GPC5: variants seen among roughly 807,000 people sequenced by gnomAD.
GPC5 encodes glypican 5.
GPC5 carries 47 observed loss-of-function variants against 53.9 expected under a neutral mutation model. The observed-to-expected ratio is 0.87, with a 90% CI of 0.69 to 1.11. The LOEUF is 1.11. Among genes scored for constraint, GPC5 ranks in the 50% most tolerant of loss-of-function variants. GPC5 has a pLI of 0.00. For synonymous variants in GPC5, 286 were observed against 263.3 expected (o/e 1.09, Z -0.84); for missense variants, 748 against 713.1 (o/e 1.05, Z -0.56).
At chr13:92,047,806 T>TAAAAAA (rs35020183) in intron 6 of GPC5, among the ~76,000 whole-genome samples, 8 of 98,790 alleles carry the variant, frequency 8.1e-5, no homozygotes, top group South Asian at 3.7e-4. Flanking sequence ...CTGTCTCTAC[T>TAAAAAA]AAAAAAAAAA....
intron 7 of GPC5, among the ~76,000 whole-genome samples, chr13:92,506,715 G>A (rs954068231): frequency 2.0e-5 from 3 of 152,138 alleles, no homozygotes; most frequent in African/African-American, 7.2e-5. Context: ...TCTACTTTGT[G>A]TCAAGGCTCC....
At chr13:91,496,343 G>A (rs886503327) in intron 2 of GPC5, among the ~76,000 whole-genome samples, 1 of 152,122 alleles carries the variant, frequency 6.6e-6, no homozygotes, top group Non-Finnish European at 1.5e-5. Context: ...TTTATTGCAG[G>A]ACCATTCACA....
At chr13:91,616,713 A>G (rs1003832655) in intron 2 of GPC5, among the ~76,000 whole-genome samples, 9 of 152,156 alleles carry the variant, frequency 5.9e-5, no homozygotes, top group South Asian at 2.1e-4. Flanking sequence ...CATATATTTA[A>G]TTGCTAGTAA....
intron 7 of GPC5, among the ~76,000 whole-genome samples, chr13:92,844,464 A>G (rs977977500): frequency 6.6e-6 from 1 of 152,136 alleles, no homozygotes; most frequent in African/African-American, 2.4e-5. Context: ...ACTTAACCGG[A>G]GTAGAAACTT....
rs77302988 is a variant in GPC5, at chr13:92,600,805, C to G, written c.1562-265477C>G. 5.0e-4 allele frequency among the ~76,000 whole-genome samples: 76 copies of G among 152,190 alleles called. No individual in the cohort carries two copies. In the East Asian group the frequency reaches 8.3e-3, roughly 17 times the overall value. Reference sequence around the variant, plus strand: ...TACAGGTGTGAGCCACCACGCCCAGCCTTTTTTCAGTTTATTTTTAATCTT... The same window carrying G: ...TACAGGTGTGAGCCACCACGCCCAGGCTTTTTTCAGTTTATTTTTAATCTT... On this transcript the variant is annotated intron_variant, in intron 7 of 7. Transcript: ENST00000377067.
At chr13:92,051,961 T>C (rs1373315772) in intron 6 of GPC5, among the ~76,000 whole-genome samples, 1 of 152,152 alleles carries the variant, frequency 6.6e-6, no homozygotes, top group African/African-American at 2.4e-5. Flanking sequence ...GTTCCAAACC[T>C]AGTGAGAGCA....
intron 5 of GPC5, among the ~76,000 whole-genome samples, chr13:91,835,737 G>A (rs976724663): frequency 6.6e-5 from 10 of 150,754 alleles, no homozygotes; most frequent in African/African-American, 2.2e-4. Flanking sequence ...CCTGTCGGGG[G>A]TTGGGGGGTG....
At chr13:92,018,691 C>A (rs1242884417) in intron 6 of GPC5, among the ~76,000 whole-genome samples, 1 of 152,018 alleles carries the variant, frequency 6.6e-6, no homozygotes. Context: ...TCAAGATTTT[C>A]AAATTCTTCA....
intron 7 of GPC5, among the ~76,000 whole-genome samples, chr13:92,147,375 G>A (rs1388394967): frequency 6.6e-6 from 1 of 151,762 alleles, no homozygotes; most frequent in East Asian, 1.9e-4. Flanking sequence ...ACAAAGTAAA[G>A]CATTTTTTTG....
At chr13:92,533,052 T>C (rs1235753199) in intron 7 of GPC5, among the ~76,000 whole-genome samples, 1 of 152,204 alleles carries the variant, frequency 6.6e-6, no homozygotes, top group Admixed American at 6.5e-5. Flanking sequence ...GGAAAAAATA[T>C]ATTCTTCAGT....
In GPC5 at chr13:92,429,383, A is replaced by AAAT. The variant is rs530186563; in HGVS notation, c.1561+284408_1561+284410dup. On this transcript the variant is annotated intron_variant, in intron 7 of 7. Coordinates refer to ENST00000377067, the MANE Select transcript of GPC5 (RefSeq NM_004466.6). ...TGACTACTCAGGCGCAGAAAAATGG[A>AAAT]AATAATAATAATAATACACAAAATA... Among the ~76,000 whole-genome samples the AAAT allele has an allele frequency of 2.0e-5, 3 of 151,900 alleles. No homozygotes were observed. In the East Asian group the frequency reaches 5.8e-4, roughly 29 times the overall value.
chr13:92,542,691 G>A (rs1205398947), intron 7 of GPC5, among the ~76,000 whole-genome samples: 1 of 151,818 alleles, frequency 6.6e-6, no homozygotes, highest in Non-Finnish European at 1.5e-5. Context: ...ATTAATAATC[G>A]CAATTTTTGC....
At chr13:92,568,061 G>A (rs551658164) in intron 7 of GPC5, among the ~76,000 whole-genome samples, 1 of 152,082 alleles carries the variant, frequency 6.6e-6, no homozygotes, top group African/African-American at 2.4e-5. Context: ...AGTGGCTCAC[G>A]CTGATATCCC....
chr13:92,525,637 T>C (rs1881249374), intron 7 of GPC5, among the ~76,000 whole-genome samples: 1 of 152,000 alleles, frequency 6.6e-6, no homozygotes, highest in South Asian at 2.1e-4. Flanking sequence ...CTGAATTATA[T>C]CTCTAAGGGA....
At chr13:91,687,418 G>A (rs1156600130) in intron 2 of GPC5, among the ~76,000 whole-genome samples, 1 of 151,914 alleles carries the variant, frequency 6.6e-6, no homozygotes, top group Non-Finnish European at 1.5e-5. Flanking sequence ...TTCAGTCTTA[G>A]GTGTTTTGTC....
intron 1 of GPC5, among the ~76,000 whole-genome samples, chr13:91,447,590 C>A (rs897334527): frequency 6.6e-6 from 1 of 152,026 alleles, no homozygotes; most frequent in Admixed American, 6.6e-5. Context: ...TTTCAGCTGA[C>A]CCAGAACCAA....
intron 7 of GPC5, among the ~76,000 whole-genome samples, chr13:92,625,693 C>G (rs1424832217): frequency 6.6e-6 from 1 of 152,184 alleles, no homozygotes; most frequent in African/African-American, 2.4e-5. Context: ...AGAAGAAAAA[C>G]TCTACTTCCT....
intron 7 of GPC5, among the ~76,000 whole-genome samples, chr13:92,337,737 C>T (rs1456787540): frequency 2.0e-5 from 3 of 152,088 alleles, no homozygotes; most frequent in East Asian, 1.9e-4. Flanking sequence ...GATGCTGGAA[C>T]GACTGGATTT....
chr13:92,039,081 T>A (rs1326049126), intron 6 of GPC5, among the ~76,000 whole-genome samples: 4 of 152,118 alleles, frequency 2.6e-5, no homozygotes, highest in Admixed American at 1.3e-4. Flanking sequence ...ATCAGAGCAA[T>A]TTAGGAAGTG....
Sources: gnomAD v4.1 joint callset for allele counts (sites outside exome capture counted in the v4.1 genomes callset) on GRCh38, gnomAD v4.1.1 for gene constraint, MANE v1.5 for transcripts, NCBI Gene and HGNC (gene_info 2026-07-23, HGNC 2026-07-21) for gene names.